Variants in TMEM116 observed in about 807,000 individuals in gnomAD.
The protein encoded by TMEM116 is transmembrane protein 116.
In TMEM116, 38 loss-of-function variants were observed where a neutral mutation model predicts 44.3. The ratio of observed to expected loss-of-function variants is 0.86; its 90% CI spans 0.66 to 1.12. TMEM116 has a LOEUF of 1.12. Ranked by LOEUF, TMEM116 falls within the 50% of genes most tolerant of loss-of-function variation. TMEM116 has a pLI of 0.00. For synonymous variants in TMEM116, 132 were observed against 144.8 expected (o/e 0.91, Z 0.64); for missense variants, 354 against 401.7 (o/e 0.88, Z 1.01).
intron 1 of TMEM116, chr12:112,005,990 A>G (rs2077563464): frequency 1.0e-6 from 1 of 985,846 alleles, no homozygotes; most frequent in Non-Finnish European, 1.2e-6. Context: ...TCTAGTGGAA[A>G]GGTCATAGGG....
chr12:111,958,770 A>G (rs2074355754), intron 4 of TMEM116, among the ~76,000 whole-genome samples: 1 of 152,220 alleles, frequency 6.6e-6, no homozygotes, highest in Non-Finnish European at 1.5e-5. Flanking sequence ...CAACTGAATG[A>G]AATAAAGTGA....
chr12:111,951,703 A>C (rs2073746199), intron 4 of TMEM116, among the ~76,000 whole-genome samples: 1 of 152,162 alleles, frequency 6.6e-6, no homozygotes, highest in Non-Finnish European at 1.5e-5. Flanking sequence ...AGGAAAAATA[A>C]CTAATGGGTA....
chr12:111,953,659 A>G (rs1391276140), intron 4 of TMEM116, among the ~76,000 whole-genome samples: 1 of 152,200 alleles, frequency 6.6e-6, no homozygotes, highest in Admixed American at 6.5e-5. Flanking sequence ...ACGCTTGTTA[A>G]TCCTTGTATC....
chr12:111,970,288 A>AC (rs906382631), intron 4 of TMEM116, among the ~76,000 whole-genome samples: 2 of 151,834 alleles, frequency 1.3e-5, no homozygotes, highest in African/African-American at 4.8e-5. Context: ...CATCTCCAAA[A>AC]AAAAAAAAAG....
intron 4 of TMEM116, among the ~76,000 whole-genome samples, chr12:111,971,538 C>T (rs1286942187): frequency 6.8e-6 from 1 of 146,534 alleles, no homozygotes; most frequent in Non-Finnish European, 1.5e-5. Context: ...AATAAGCCAA[C>T]AAAAAAGACA....
chr12:112,008,305 A>G (rs991928165), intron 1 of TMEM116, among the ~76,000 whole-genome samples: 1 of 151,564 alleles, frequency 6.6e-6, no homozygotes, highest in Non-Finnish European at 1.5e-5. Flanking sequence ...AGATGGTGAA[A>G]CCCCGCCTCT....
chr12:112,006,716 T>C (rs1011980307), intron 1 of TMEM116, among the ~76,000 whole-genome samples: 2 of 151,896 alleles, frequency 1.3e-5, no homozygotes, highest in South Asian at 2.1e-4. Flanking sequence ...CTACACAGAG[T>C]AGCATTCAAA....
At chr12:111,939,341 T>A (rs1020615057) in intron 5 of TMEM116, among the ~76,000 whole-genome samples, 1 of 151,110 alleles carries the variant, frequency 6.6e-6, no homozygotes, top group Non-Finnish European at 1.5e-5. Flanking sequence ...TAGTCCCAGC[T>A]ACTCAGGAGG....
intron 3 of TMEM116, among the ~76,000 whole-genome samples, chr12:112,003,312 T>G (rs761610553): frequency 1.3e-5 from 2 of 152,190 alleles, no homozygotes; most frequent in African/African-American, 4.8e-5. Context: ...CTCACGCCTG[T>G]AATCCCAGCA....
intron 4 of TMEM116, among the ~76,000 whole-genome samples, chr12:111,960,642 A>G (rs1321881626): frequency 6.6e-6 from 1 of 152,164 alleles, no homozygotes; most frequent in Non-Finnish European, 1.5e-5. Flanking sequence ...GAACAAAGAC[A>G]CAACATACCA....
intron 1 of TMEM116, chr12:112,010,789 G>T (rs748271719): frequency 6.6e-6 from 1 of 152,460 alleles, no homozygotes; most frequent in East Asian, 1.9e-4. Flanking sequence ...GCAGTCCTCT[G>T]CCCTACTCTG....
intron 4 of TMEM116, among the ~76,000 whole-genome samples, chr12:111,974,499 A>G (rs1755140583): frequency 6.6e-6 from 1 of 152,044 alleles, no homozygotes; most frequent in Non-Finnish European, 1.5e-5. Flanking sequence ...AAAATACAAA[A>G]AAACAAAAAT....
At chr12:111,944,650 C>T (rs2073106752) in intron 4 of TMEM116, among the ~76,000 whole-genome samples, 1 of 152,104 alleles carries the variant, frequency 6.6e-6, no homozygotes, top group African/African-American at 2.4e-5. Context: ...AGACAATGCT[C>T]AGGAGAGCTG....
intron 4 of TMEM116, among the ~76,000 whole-genome samples, chr12:111,975,779 G>A (rs2075633381): frequency 6.9e-6 from 1 of 144,116 alleles, no homozygotes; most frequent in Non-Finnish European, 1.5e-5. Context: ...CTTGTCTGAT[G>A]TAAAGGGATA....
At chr12:111,949,376 A>C (rs534624278) in intron 4 of TMEM116, among the ~76,000 whole-genome samples, 1 of 152,182 alleles carries the variant, frequency 6.6e-6, no homozygotes, top group East Asian at 1.9e-4. Context: ...AACATTGCTT[A>C]TATATATTAG....
At chr12:111,980,855 C>T (rs1481616580) in intron 4 of TMEM116, among the ~76,000 whole-genome samples, 1 of 152,138 alleles carries the variant, frequency 6.6e-6, no homozygotes, top group African/African-American at 2.4e-5. Context: ...GGGCAGATTG[C>T]ATGAGCTCAG....
intron 4 of TMEM116, among the ~76,000 whole-genome samples, chr12:111,980,980 G>A (rs1410808255): frequency 1.3e-5 from 2 of 151,778 alleles, no homozygotes; most frequent in East Asian, 3.9e-4. Flanking sequence ...AGGCTGCAGT[G>A]GTAGGATCAC....
chr12:111,933,665 T>C (rs2071856947), intron 9 of TMEM116, among the ~76,000 whole-genome samples: 1 of 151,232 alleles, frequency 6.6e-6, no homozygotes, highest in Non-Finnish European at 1.5e-5. Context: ...ATTTTTTTTT[T>C]TTTTGTATTT....
intron 1 of TMEM116, among the ~76,000 whole-genome samples, chr12:112,009,823 G>A (rs577148043): frequency 6.6e-6 from 1 of 150,758 alleles, no homozygotes; most frequent in East Asian, 1.9e-4. Flanking sequence ...TCCAGCCTGA[G>A]TGACCAAGTG....
Sources: gnomAD v4.1 joint callset for allele counts (sites outside exome capture counted in the v4.1 genomes callset) on GRCh38, gnomAD v4.1.1 for gene constraint, MANE v1.5 for transcripts, NCBI Gene and HGNC (gene_info 2026-07-23, HGNC 2026-07-21) for gene names.